MYO1F: variants seen among roughly 807,000 people sequenced by gnomAD.
MYO1F encodes myosin IF.
In MYO1F, 60 loss-of-function variants were observed where a neutral mutation model predicts 146.6. The observed-to-expected ratio is 0.41, with a 90% confidence interval of 0.33 to 0.51. The LOEUF (loss-of-function observed/expected upper bound fraction) is 0.51, where lower values mean the gene tolerates loss of function less well. MYO1F is among the 20% of genes least tolerant of loss of function. The pLI is 0.25. For missense variants in MYO1F, 1,274 were observed against 1,534.3 expected, an observed-to-expected ratio of 0.83 and a Z score of 2.83; for synonymous variants, 602 against 602.1, an observed-to-expected ratio of 1.00 and a Z score of 0.00.
At chr19:8,553,285 G>C in intron 5 of MYO1F, 57 bp from the exon 6 acceptor site, 1 of 1,599,214 alleles carries the variant, frequency 6.3e-7, no homozygotes, top group South Asian at 1.1e-5. Context: ...AGTGCAGATG[G>C]GTGGGGCTGC....
intron 27 of MYO1F, 53 bp downstream of exon 27, chr19:8,522,324 T>A: frequency 6.2e-7 from 1 of 1,610,862 alleles, no homozygotes; most frequent in Non-Finnish European, 8.5e-7. Context: ...GCCCGGCCGA[T>A]GTCAGGGTTC....
At position 8,555,655 on chromosome 19, in the gene MYO1F, G is replaced by C. The variant is rs1158714514; in HGVS notation, c.141+4C>G. The C allele has an allele frequency of 1.2e-6, 2 of 1,613,920 alleles. No individual in the cohort carries two copies. The highest frequency in any genetic ancestry group is 4.5e-5 in the East Asian group (2 of 44,868). On this transcript the variant is annotated splice_donor_region_variant and intron_variant, in intron 2 of 27. Transcript: ENST00000644032. ...TGCCCACCCCCAGCCTTGGCCCAGG[G>C]TACGAAGATGTAGTCGTCCATGAAG...
intron 6 of MYO1F, among the ~76,000 whole-genome samples, 155 bp from the exon 7 acceptor site, chr19:8,552,319 C>T (rs943488595): frequency 1.3e-4 from 20 of 151,796 alleles, no homozygotes; most frequent in Admixed American, 1.3e-4. Context: ...GATTCAGTGG[C>T]GCAATGTCGG....
At chr19:8,564,456 A>G (rs902022162) in intron 1 of MYO1F, among the ~76,000 whole-genome samples, 7 of 152,040 alleles carry the variant, frequency 4.6e-5, no homozygotes, top group Admixed American at 4.6e-4. Context: ...GAGATGACAG[A>G]ATCCTGGGGA....
At chr19:8,544,093 A>C (rs1973226871) in intron 14 of MYO1F, 1 of 526,890 alleles carries the variant, frequency 1.9e-6, no homozygotes, top group Non-Finnish European at 3.3e-6. Context: ...TGGGGCTTAG[A>C]GAGTTCCTGG....
chr19:8,547,990 C>CA, intron 12 of MYO1F, 46 bp downstream of exon 12: 6 of 1,112,558 alleles, frequency 5.4e-6, no homozygotes, highest in Admixed American at 1.7e-5. Flanking sequence ...CCTTCCACCC[C>CA]ACCCCCACCC....
At chr19:8,523,240 A>T (rs188587233) in intron 25 of MYO1F, among the ~76,000 whole-genome samples, 5 of 151,998 alleles carry the variant, frequency 3.3e-5, no homozygotes, top group Admixed American at 3.3e-4. Flanking sequence ...TCATCATGTT[A>T]GCCAGGATGG....
intron 2 of MYO1F, chr19:8,555,403 A>AT: frequency 2.5e-6 from 1 of 397,728 alleles, no homozygotes; most frequent in African/African-American, 2.1e-5. Flanking sequence ...AAAAAAAAAA[A>AT]AAAGAACAAA....
intron 1 of MYO1F, among the ~76,000 whole-genome samples, chr19:8,558,981 C>T (rs1042948328): frequency 4.6e-5 from 7 of 152,094 alleles, no homozygotes; most frequent in East Asian, 1.9e-4. Flanking sequence ...GGGGCTCAAG[C>T]GAGCCTGTCA....
chr19:8,543,656 G>A (rs1221774229), intron 14 of MYO1F, among the ~76,000 whole-genome samples: 1 of 71,404 alleles, frequency 1.4e-5, no homozygotes, highest in African/African-American at 4.7e-5. Flanking sequence ...TGGTGGTGCT[G>A]GTGGTGGTGG....
chr19:8,521,954 TG>T lies in MYO1F; in HGVS notation c.3221-351del, dbSNP rs550643631. Among the ~76,000 whole-genome samples, 1,081 of 151,726 alleles carry T rather than the reference TG, an allele frequency of 7.1e-3. 12 individuals are homozygous for T. The highest frequency in any genetic ancestry group is 0.014 in the Middle Eastern group (4 of 286). ...ACAGGTATGAGCCACCTCGCCCATC[TG>T]TTATCTCTGTTCTCCCGTGGGGAGG... On this transcript the variant is annotated intron_variant, in intron 27 of 27. Transcript: ENST00000644032.
intron 1 of MYO1F, among the ~76,000 whole-genome samples, chr19:8,571,687 T>A (rs1279547959): frequency 6.6e-6 from 1 of 152,068 alleles, no homozygotes; most frequent in Non-Finnish European, 1.5e-5. Flanking sequence ...AAGCTCTGCC[T>A]CCCGAGTTCA....
At chr19:8,560,743 T>TTTTTG (rs1974057691) in intron 1 of MYO1F, among the ~76,000 whole-genome samples, 1 of 9,644 alleles carries the variant, frequency 1.0e-4, no homozygotes, top group Non-Finnish European at 1.5e-4. Context: ...GCCTGGCTAA[T>TTTTTG]TTTTTTTTTT....
intron 16 of MYO1F, among the ~76,000 whole-genome samples, chr19:8,538,647 G>A (rs1972831596): frequency 6.7e-6 from 1 of 149,458 alleles, no homozygotes; most frequent in Non-Finnish European, 1.5e-5. Flanking sequence ...AAGTGCCAGG[G>A]TGCAATCATG....
At chr19:8,547,590 C>T (rs531246169) in intron 12 of MYO1F, among the ~76,000 whole-genome samples, 9 of 141,226 alleles carry the variant, frequency 6.4e-5, no homozygotes, top group Admixed American at 1.4e-4. Context: ...GGTGACAGAA[C>T]GAGACTTTGT....
chr19:8,556,481 A>G (rs1209962892), intron 1 of MYO1F, among the ~76,000 whole-genome samples: 2 of 134,804 alleles, frequency 1.5e-5, no homozygotes, highest in African/African-American at 6.8e-5. Context: ...GTCTCTATAA[A>G]AAAAGAAAGA....
In MYO1F at chr19:8,545,540, G is replaced by A. The variant is rs982125469; in HGVS notation, c.1356+110C>T. ...TGTCGCTGGAAGTCCTGAGTGTAGG[G>A]TAGAGAAGGGCCTGAGGATGCCATA... On this transcript the variant is annotated intron_variant, in intron 13 of 27. Coordinates refer to ENST00000644032, the MANE Select transcript of MYO1F (RefSeq NM_012335.4). 4.4e-6 allele frequency: 4 copies of A among 899,682 alleles called. No homozygotes were observed. In the East Asian group the frequency reaches 9.6e-5, roughly 22 times the overall value. The allele number at this position is 899,682 out of a possible 1,614,324, so 55.7% of individuals were successfully genotyped here.
intron 15 of MYO1F, 169 bp downstream of exon 15, chr19:8,541,737 T>C (rs1972981573): frequency 1.4e-6 from 1 of 692,806 alleles, no homozygotes; most frequent in Non-Finnish European, 2.6e-6. Context: ...CCTCTGGAGT[T>C]ACTTTTTACA....
chr19:8,561,334 G>A (rs1424631471), intron 1 of MYO1F, among the ~76,000 whole-genome samples: 2 of 150,624 alleles, frequency 1.3e-5, no homozygotes, highest in African/African-American at 2.5e-5. Context: ...CTCCTGGCCT[G>A]AGTAGTCAGC....
Sources: gnomAD v4.1 joint callset for allele counts (sites outside exome capture counted in the v4.1 genomes callset) on GRCh38, gnomAD v4.1.1 for gene constraint, MANE v1.5 for transcripts, NCBI Gene and HGNC (gene_info 2026-07-23, HGNC 2026-07-21) for gene names.